DOCK3: variants seen among roughly 807,000 people sequenced by gnomAD.
DOCK3 encodes the protein dedicator of cytokinesis protein 3.
Under a neutral mutation model 265.6 loss-of-function variants are expected in DOCK3, and 60 were observed. That is an observed-to-expected ratio of 0.23 (90% CI 0.18 to 0.28). The LOEUF (loss-of-function observed/expected upper bound fraction) is 0.28. Ranked by LOEUF, DOCK3 falls within the 10% of genes least tolerant of loss-of-function variation. The pLI is 1.00. For synonymous variants in DOCK3, 881 were observed against 938.0 expected (o/e 0.94, Z 1.11); for missense variants, 1,981 against 2,594.3 (o/e 0.76, Z 5.14).
chr3:51,350,433 C>G (rs368246275), intron 40 of DOCK3, 41 bp downstream of exon 40: 2 of 1,582,766 alleles, frequency 1.3e-6, no homozygotes, highest in South Asian at 1.2e-5. Context: ...ATATATTTTA[C>G]GCATAATTCA....
At chr3:51,278,657 C>G (rs1415042756) in intron 26 of DOCK3, 1 of 689,802 alleles carries the variant, frequency 1.4e-6, no homozygotes, top group Non-Finnish European at 1.8e-6. Flanking sequence ...TCCTGGTAAC[C>G]CAGCCTTCTA....
chr3:50,816,615 C>G (rs1270506430), intron 2 of DOCK3, among the ~76,000 whole-genome samples: 1 of 152,058 alleles, frequency 6.6e-6, no homozygotes, highest in Non-Finnish European at 1.5e-5. Flanking sequence ...GCCACTGTGC[C>G]CGGCCTCTCT....
chr3:51,085,169 A>G (rs779664402), intron 7 of DOCK3, among the ~76,000 whole-genome samples: 4 of 152,224 alleles, frequency 2.6e-5, no homozygotes, highest in Non-Finnish European at 5.9e-5. Context: ...CAGCACCCAG[A>G]TATATAAGCA....
intron 2 of DOCK3, among the ~76,000 whole-genome samples, chr3:50,809,205 A>G (rs917511946): frequency 6.6e-5 from 10 of 152,240 alleles, no homozygotes; most frequent in African/African-American, 2.4e-4. Flanking sequence ...TATTCAGAGC[A>G]TGTAAAGAAT....
At chr3:51,050,146 G>A (rs1443229940) in intron 5 of DOCK3, among the ~76,000 whole-genome samples, 3 of 152,102 alleles carry the variant, frequency 2.0e-5, no homozygotes, top group African/African-American at 7.2e-5. Flanking sequence ...CTACTCAGGA[G>A]GCTGAGATGG....
rs560518183 is a variant in DOCK3, at chr3:51,061,521, A to T, written c.316-2927A>T. On this transcript the variant is annotated intron_variant, in intron 5 of 52. Transcript: ENST00000266037. The stretch of plus-strand genomic sequence containing the variant: ...GATGGGAATTGAACAATGAGAACAC[A>T]TCGACATAGGAAGGGGAACATCACA... 1.6e-4 allele frequency among the ~76,000 whole-genome samples: 25 copies of T among 152,004 alleles called. No homozygotes were observed. The East Asian group carries it at 4.1e-3, about 25-fold the overall frequency.
chr3:51,008,473 G>A (rs1298010624), intron 5 of DOCK3, among the ~76,000 whole-genome samples: 2 of 152,154 alleles, frequency 1.3e-5, no homozygotes, highest in African/African-American at 2.4e-5. Context: ...TTTGCACATC[G>A]ATTTTGTATC....
intron 27 of DOCK3, among the ~76,000 whole-genome samples, chr3:51,306,923 T>C (rs1341885694): frequency 6.6e-6 from 1 of 152,228 alleles, no homozygotes; most frequent in Non-Finnish European, 1.5e-5. Flanking sequence ...TACTTCTTTT[T>C]GCCCGTGTAT....
Position 51,007,693 on chromosome 3 carries a change from C to A in DOCK3, c.316-56755C>A, listed in dbSNP as rs527974452. 2.0e-5 allele frequency among the ~76,000 whole-genome samples: 3 copies of A among 152,054 alleles called. No homozygotes were observed. The South Asian group carries it at 6.2e-4, about 32-fold the overall frequency. On this transcript the variant is annotated intron_variant, in intron 5 of 52. Coordinates refer to ENST00000266037, the MANE Select transcript of DOCK3 (RefSeq NM_004947.5). ...TGGTGTTTTAGTCATGAAGTCCTTG[C>A]CCATGCCTATGTCCTGAATGGTATT...
chr3:50,824,191 A>C (rs147978804), intron 2 of DOCK3, among the ~76,000 whole-genome samples: 11 of 152,304 alleles, frequency 7.2e-5, no homozygotes, highest in African/African-American at 2.2e-4. Context: ...TAAGTGAATA[A>C]ATGAATGCAA....
At chr3:50,905,146 G>C (rs2049415238) in intron 4 of DOCK3, among the ~76,000 whole-genome samples, 1 of 152,104 alleles carries the variant, frequency 6.6e-6, no homozygotes, top group African/African-American at 2.4e-5. Flanking sequence ...CCAGTACCAT[G>C]CTGTTTTGGT....
At chr3:51,010,919 C>T (rs1193627866) in intron 5 of DOCK3, among the ~76,000 whole-genome samples, 2 of 152,128 alleles carry the variant, frequency 1.3e-5, no homozygotes, top group Non-Finnish European at 2.9e-5. Flanking sequence ...GTGGAAAATT[C>T]TTTCCTTTAA....
chr3:50,878,917 A>T (rs1288755861), intron 3 of DOCK3, among the ~76,000 whole-genome samples: 4 of 152,364 alleles, frequency 2.6e-5, no homozygotes, highest in Admixed American at 6.5e-5. Flanking sequence ...CCATCAGACT[A>T]ACAGCAGATC....
intron 1 of DOCK3, among the ~76,000 whole-genome samples, chr3:50,700,396 A>G (rs186373160): frequency 6.6e-6 from 1 of 152,268 alleles, no homozygotes; most frequent in Non-Finnish European, 1.5e-5. Flanking sequence ...GTCTAGCTAT[A>G]TGTTTGTACC....
At chr3:51,360,949 A>G (rs891224733) in intron 47 of DOCK3, among the ~76,000 whole-genome samples, 5 of 152,180 alleles carry the variant, frequency 3.3e-5, no homozygotes, top group Non-Finnish European at 7.4e-5. Flanking sequence ...CACATGCAGA[A>G]GCCTCAAGAT....
At chr3:51,214,527 G>A (rs2108225440) in intron 14 of DOCK3, among the ~76,000 whole-genome samples, 1 of 152,310 alleles carries the variant, frequency 6.6e-6, no homozygotes, top group African/African-American at 2.4e-5. Context: ...AGTGATGGTA[G>A]AAGTGAATAT....
intron 9 of DOCK3, among the ~76,000 whole-genome samples, chr3:51,120,785 C>G (rs2083977702): frequency 6.6e-6 from 1 of 152,170 alleles, no homozygotes; most frequent in South Asian, 2.1e-4. Context: ...ACCACCTACT[C>G]AAGCCTCAGT....
intron 21 of DOCK3, among the ~76,000 whole-genome samples, chr3:51,239,780 T>C (rs1054445971): frequency 3.9e-5 from 6 of 152,208 alleles, no homozygotes; most frequent in Non-Finnish European, 8.8e-5. Context: ...TATTTGTATT[T>C]CTGTGGGGTC....
intron 3 of DOCK3, among the ~76,000 whole-genome samples, chr3:50,886,160 G>A (rs146281538): frequency 4.0e-4 from 58 of 143,500 alleles, no homozygotes; most frequent in African/African-American, 1.2e-3. Context: ...TCTTCTTTCC[G>A]CCTTTCAGAA....
Sources: allele counts gnomAD v4.1 joint callset (sites outside exome capture counted in the v4.1 genomes callset), GRCh38; gene constraint gnomAD v4.1.1; transcripts MANE v1.5; gene names NCBI Gene and HGNC (gene_info 2026-07-23, HGNC 2026-07-21).